Variants in KIF6 observed in about 807,000 individuals in gnomAD.
KIF6 encodes the protein kinesin-like protein KIF6.
Under a neutral mutation model 112.7 loss-of-function variants are expected in KIF6, and 106 were observed. The observed-to-expected ratio is 0.94, with a 90% confidence interval of 0.80 to 1.11. The LOEUF (loss-of-function observed/expected upper bound fraction) is 1.11. KIF6 is among the 50% of genes least tolerant of loss of function. The probability of loss-of-function intolerance (pLI) is 0.00; values close to 1 mark genes in which losing one functional copy is unlikely to be tolerated. For missense variants in KIF6, 929 were observed against 964.0 expected (o/e 0.96, Z 0.48); for synonymous variants, 339 against 339.9 (o/e 1.00, Z 0.03).
chr6:39,548,759 G>A (rs1779200016), intron 10 of KIF6, among the ~76,000 whole-genome samples: 1 of 152,144 alleles, frequency 6.6e-6, no homozygotes, highest in African/African-American at 2.4e-5. Flanking sequence ...GGGTCTCCCA[G>A]CTGCCAGAAC....
At chr6:39,705,464 A>G (rs1320593184) in intron 3 of KIF6, among the ~76,000 whole-genome samples, 2 of 152,242 alleles carry the variant, frequency 1.3e-5, no homozygotes, top group East Asian at 3.8e-4. Flanking sequence ...TGTGCATTTA[A>G]GCAATAAAGG....
intron 13 of KIF6, among the ~76,000 whole-genome samples, chr6:39,504,906 T>C (rs1483872564): frequency 2.0e-5 from 3 of 152,202 alleles, no homozygotes; most frequent in Non-Finnish European, 4.4e-5. Context: ...ATCAATATTG[T>C]GAAAATGGCC....
chr6:39,437,774 G>T (rs1264730042), intron 13 of KIF6, among the ~76,000 whole-genome samples: 1 of 152,090 alleles, frequency 6.6e-6, no homozygotes, highest in Non-Finnish European at 1.5e-5. Flanking sequence ...GTACGACGGT[G>T]GTCCCATATG....
intron 10 of KIF6, among the ~76,000 whole-genome samples, chr6:39,548,224 G>A (rs1248033775): frequency 6.6e-6 from 1 of 152,168 alleles, no homozygotes; most frequent in Non-Finnish European, 1.5e-5. Flanking sequence ...GGCTGAAGTG[G>A]ACTCCTAGCT....
intron 15 of KIF6, among the ~76,000 whole-genome samples, chr6:39,418,473 G>A (rs1770092444): frequency 6.6e-6 from 1 of 152,118 alleles, no homozygotes; most frequent in African/African-American, 2.4e-5. Flanking sequence ...AGATCTAATG[G>A]TGAGTCTAAT....
intron 16 of KIF6, among the ~76,000 whole-genome samples, chr6:39,374,954 G>A (rs894827076): frequency 3.3e-5 from 5 of 152,146 alleles, no homozygotes; most frequent in Non-Finnish European, 5.9e-5. Context: ...CAATAGCCAC[G>A]ACATTGAATC....
At chr6:39,346,282 T>G in intron 20 of KIF6, 194 bp downstream of exon 20, 1 of 692,172 alleles carries the variant, frequency 1.4e-6, no homozygotes, top group Non-Finnish European at 2.6e-6. Context: ...AAAAGTCATG[T>G]GTTGAACCTA....
intron 13 of KIF6, among the ~76,000 whole-genome samples, chr6:39,499,961 G>T (rs917742112): frequency 6.6e-6 from 1 of 152,236 alleles, no homozygotes; most frequent in Non-Finnish European, 1.5e-5. Flanking sequence ...GGGAAAGAAG[G>T]TGGGGAGTTG....
At chr6:39,637,713 A>C (rs78426605) in intron 4 of KIF6, among the ~76,000 whole-genome samples, 1,566 of 152,110 alleles carry the variant, frequency 0.01, 27 homozygotes, top group African/African-American at 0.035. Flanking sequence ...AATATGAACA[A>C]ACTTCATGAT....
At chr6:39,379,952 G>A (rs1389404395) in intron 16 of KIF6, among the ~76,000 whole-genome samples, 2 of 152,240 alleles carry the variant, frequency 1.3e-5, no homozygotes, top group East Asian at 3.8e-4. Context: ...ACGTCATTGG[G>A]TTGTGAGCAT....
chr6:39,506,486 C>T (rs1381326346), intron 13 of KIF6, among the ~76,000 whole-genome samples: 1 of 152,042 alleles, frequency 6.6e-6, no homozygotes, highest in African/African-American at 2.4e-5. Context: ...ACCTGCATAT[C>T]CTGCACATGT....
At chr6:39,433,793 G>GGGA (rs1016645301) in intron 13 of KIF6, among the ~76,000 whole-genome samples, 61 of 152,330 alleles carry the variant, frequency 4.0e-4, no homozygotes, top group African/African-American at 1.0e-3. Context: ...GGTCCACAGA[G>GGGA]GGAGGCACAT....
At chr6:39,456,350 T>C in intron 13 of KIF6, among the ~76,000 whole-genome samples, 1 of 127,754 alleles carries the variant, frequency 7.8e-6, no homozygotes, top group Admixed American at 8.3e-5. Context: ...AGGCCTGCCC[T>C]AAAAGAGCTC....
chr6:39,462,812 G>C (rs193176564), intron 13 of KIF6, among the ~76,000 whole-genome samples: 1 of 151,890 alleles, frequency 6.6e-6, no homozygotes, highest in East Asian at 1.9e-4. Context: ...TAGATTATAA[G>C]GGCTAGGAAC....
intron 9 of KIF6, among the ~76,000 whole-genome samples, chr6:39,582,281 C>T (rs1366749667): frequency 6.6e-6 from 1 of 152,180 alleles, no homozygotes; most frequent in Non-Finnish European, 1.5e-5. Context: ...TGAAGGAACC[C>T]TGGCATTAGA....
At chr6:39,614,776 T>C (rs1171302159) in intron 5 of KIF6, among the ~76,000 whole-genome samples, 1 of 152,174 alleles carries the variant, frequency 6.6e-6, no homozygotes, top group East Asian at 1.9e-4. Flanking sequence ...GGCATTTGAA[T>C]TGAATTGAAT....
At chr6:39,443,381 A>G (rs1772078314) in intron 13 of KIF6, among the ~76,000 whole-genome samples, 1 of 152,162 alleles carries the variant, frequency 6.6e-6, no homozygotes, top group African/African-American at 2.4e-5. Flanking sequence ...CAAATTTTCT[A>G]TCTATGCCTA....
At chr6:39,640,142 G>A (rs1784830620) in intron 3 of KIF6, among the ~76,000 whole-genome samples, 1 of 152,062 alleles carries the variant, frequency 6.6e-6, no homozygotes, top group South Asian at 2.1e-4. Context: ...CACAATAGTA[G>A]TTACTTCCTA....
intron 6 of KIF6, among the ~76,000 whole-genome samples, chr6:39,602,509 T>C (rs1782634874): frequency 6.6e-6 from 1 of 152,174 alleles, no homozygotes; most frequent in South Asian, 2.1e-4. Context: ...TTGCCTAGCA[T>C]AACACAGTAG....
Sources: gnomAD v4.1 joint callset for allele counts (sites outside exome capture counted in the v4.1 genomes callset) on GRCh38, gnomAD v4.1.1 for gene constraint, MANE v1.5 for transcripts, NCBI Gene and HGNC (gene_info 2026-07-23, HGNC 2026-07-21) for gene names.